The following ADAMTSL3 variants were observed in gnomAD, a reference collection of about 807,000 sequenced individuals.
The protein encoded by ADAMTSL3 is ADAMTS-like protein 3.
A neutral mutation model predicts 201.7 loss-of-function variants in ADAMTSL3; 128 were observed. That is an observed-to-expected ratio of 0.63 (90% CI 0.55 to 0.73). The LOEUF is 0.73. ADAMTSL3 is among the 30% of genes least tolerant of loss of function. The pLI, the probability that ADAMTSL3 is intolerant of heterozygous loss-of-function variation, is 0.00. For missense variants in ADAMTSL3, 1,990 were observed against 2,119.6 expected (o/e 0.94, Z 1.20); for synonymous variants, 738 against 748.4 (o/e 0.99, Z 0.23).
At chr15:83,732,664 A>G (rs547688672) in intron 3 of ADAMTSL3, among the ~76,000 whole-genome samples, 2 of 152,316 alleles carry the variant, frequency 1.3e-5, no homozygotes, top group East Asian at 3.9e-4. Flanking sequence ...CTAGTTGATT[A>G]CATTCCATAA....
intron 3 of ADAMTSL3, among the ~76,000 whole-genome samples, chr15:83,759,289 G>A (rs996007928): frequency 6.7e-5 from 10 of 150,266 alleles, no homozygotes; most frequent in African/African-American, 1.5e-4. Flanking sequence ...GCAGTGACTC[G>A]ACCTCCGCTC....
chr15:83,674,568 A>G (rs2061368415), intron 2 of ADAMTSL3, among the ~76,000 whole-genome samples: 1 of 151,272 alleles, frequency 6.6e-6, no homozygotes, highest in African/African-American at 2.4e-5. Flanking sequence ...CTTTATCAAA[A>G]TTATTTTAAC....
At chr15:83,910,483 T>C (rs925607278) in intron 15 of ADAMTSL3, among the ~76,000 whole-genome samples, 10 of 151,184 alleles carry the variant, frequency 6.6e-5, no homozygotes, top group Admixed American at 2.0e-4. Context: ...TTTTTAACCT[T>C]TAAGTCACTT....
Position 83,971,287 on chromosome 15 carries a change from G to T in ADAMTSL3, c.2644+650G>T, listed in dbSNP as rs557770180. 9.2e-5 allele frequency among the ~76,000 whole-genome samples: 14 copies of T among 152,308 alleles called. No homozygotes were observed. In the South Asian group the frequency reaches 2.9e-3, roughly 32 times the overall value. On this transcript the variant is annotated intron_variant, in intron 20 of 29. Transcript: ENST00000286744. ...ATAAGAGTTATGTGGGCCAGGCGCA[G>T]TGGCTCACGCCTGTAATCCTAGCAC...
chr15:83,721,555 A>T (rs896012422), intron 3 of ADAMTSL3, among the ~76,000 whole-genome samples: 7 of 152,188 alleles, frequency 4.6e-5, no homozygotes, highest in Admixed American at 4.6e-4. Flanking sequence ...CCAGTTCTAC[A>T]TAGATTAACA....
chr15:83,798,589 C>T (rs1439166708), intron 4 of ADAMTSL3, among the ~76,000 whole-genome samples: 6 of 151,920 alleles, frequency 3.9e-5, no homozygotes, highest in African/African-American at 9.7e-5. Context: ...GGGCGGATCA[C>T]GAGGTCAGGA....
chr15:83,686,815 G>C (rs2061542780), intron 2 of ADAMTSL3, among the ~76,000 whole-genome samples: 1 of 152,072 alleles, frequency 6.6e-6, no homozygotes, highest in Non-Finnish European at 1.5e-5. Flanking sequence ...ACTACTCCAG[G>C]ATCTTATATA....
rs776636615 is a variant in ADAMTSL3 at position 84,037,778 on chromosome 15, G to C, written c.5048G>C (p.Arg1683Thr). The C allele has an allele frequency of 6.2e-7, 1 of 1,613,964 alleles. No homozygotes were observed. Among genetic ancestry groups the C allele is most frequent in the East Asian group, 2.2e-5 (1 of 44,882 alleles). The change falls in exon 30 of 30, where the codon AGG becomes ACG. Residue 1683 changes from arginine to threonine, a missense_variant. Arg to Thr is a moderately conservative substitution (Grantham distance 71). Coordinates refer to ENST00000286744, the MANE Select transcript of ADAMTSL3 (RefSeq NM_207517.3). ...NLCSLDRYKQRCCQSCQEG is the reference protein window; with the variant it reads ...NLCSLDRYKQTCCQSCQEG ...TGTTCTCTAGACCGCTACAAACAAA[G>C]GTGCTGCCAGTCATGTCAAGAGGGA...
intron 23 of ADAMTSL3, among the ~76,000 whole-genome samples, chr15:84,005,670 G>A (rs527570177): frequency 2.0e-5 from 3 of 152,318 alleles, no homozygotes; most frequent in African/African-American, 4.8e-5. Context: ...CCCAGGGTAC[G>A]TGAGAGATGA....
At chr15:83,717,196 T>G (rs562270090) in intron 3 of ADAMTSL3, among the ~76,000 whole-genome samples, 35 of 152,198 alleles carry the variant, frequency 2.3e-4, no homozygotes, top group Non-Finnish European at 4.7e-4. Context: ...TCAACAAATG[T>G]TGATTGAATC....
chr15:83,801,673 T>TAAATATA (rs1567154149), intron 4 of ADAMTSL3, among the ~76,000 whole-genome samples: 4 of 72,580 alleles, frequency 5.5e-5, no homozygotes, highest in African/African-American at 1.2e-4. Context: ...TATATATATA[T>TAAATATA]ATATATATAT....
intron 3 of ADAMTSL3, among the ~76,000 whole-genome samples, chr15:83,710,959 A>G (rs1006756971): frequency 6.6e-6 from 1 of 152,220 alleles, no homozygotes; most frequent in African/African-American, 2.4e-5. Flanking sequence ...ACATTTTTAC[A>G]TCTAATCTGT....
intron 8 of ADAMTSL3, among the ~76,000 whole-genome samples, chr15:83,865,440 G>T (rs2064955243): frequency 6.6e-6 from 1 of 152,074 alleles, no homozygotes; most frequent in Non-Finnish European, 1.5e-5. Context: ...ACAGAACAGA[G>T]CCCTCAGAAA....
chr15:83,762,759 A>G (rs1015010927), intron 3 of ADAMTSL3, among the ~76,000 whole-genome samples: 32 of 152,238 alleles, frequency 2.1e-4, no homozygotes, highest in African/African-American at 7.7e-4. Flanking sequence ...GCAAAAACCA[A>G]ATGCCCTTTG....
chr15:83,708,073 T>C (rs962026497), intron 3 of ADAMTSL3, among the ~76,000 whole-genome samples: 1 of 152,220 alleles, frequency 6.6e-6, no homozygotes, highest in Non-Finnish European at 1.5e-5. Flanking sequence ...GCAGAACCTG[T>C]GTCAGGTGGC....
intron 8 of ADAMTSL3, chr15:83,862,722 A>C (rs1327265740): frequency 1.3e-5 from 2 of 152,184 alleles, no homozygotes; most frequent in African/African-American, 4.8e-5. Context: ...TAATGGGCAA[A>C]ATAACCAGCT....
intron 17 of ADAMTSL3, among the ~76,000 whole-genome samples, chr15:83,941,133 T>A (rs1481745773): frequency 6.6e-6 from 1 of 151,964 alleles, no homozygotes; most frequent in Non-Finnish European, 1.5e-5. Context: ...TACAAGTTTA[T>A]GTTTTATATT....
At chr15:83,748,609 C>T (rs1367831007) in intron 3 of ADAMTSL3, among the ~76,000 whole-genome samples, 1 of 123,250 alleles carries the variant, frequency 8.1e-6, no homozygotes, top group African/African-American at 3.4e-5. Flanking sequence ...GAGATTGTGC[C>T]AATGCACAAC....
At chr15:83,669,217 C>T (rs1189630428) in intron 2 of ADAMTSL3, among the ~76,000 whole-genome samples, 1 of 152,134 alleles carries the variant, frequency 6.6e-6, no homozygotes, top group Non-Finnish European at 1.5e-5. Flanking sequence ...GCAGTCTTGG[C>T]TCACTGCAAC....
Sources: allele counts gnomAD v4.1 joint callset (sites outside exome capture counted in the v4.1 genomes callset), GRCh38; gene constraint gnomAD v4.1.1; transcripts MANE v1.5; gene names NCBI Gene and HGNC (gene_info 2026-07-23, HGNC 2026-07-21).